NCKAP5: variants seen among roughly 807,000 people sequenced by gnomAD.
NCKAP5 encodes nck-associated protein 5.
Under a neutral mutation model 167.0 loss-of-function variants are expected in NCKAP5, and 92 were observed. That is an observed-to-expected ratio of 0.55 (90% CI 0.47 to 0.66). The LOEUF (loss-of-function observed/expected upper bound fraction) is 0.66. Ranked by LOEUF, NCKAP5 falls within the 30% of genes least tolerant of loss-of-function variation. NCKAP5 has a pLI of 0.00. For synonymous variants in NCKAP5, 891 were observed against 877.4 expected (o/e 1.02, Z -0.27); for missense variants, 2,378 against 2,315.0 (o/e 1.03, Z -0.56).
At chr2:133,059,996 C>G (rs2079942558) in intron 6 of NCKAP5, among the ~76,000 whole-genome samples, 1 of 151,928 alleles carries the variant, frequency 6.6e-6, no homozygotes, top group Admixed American at 6.6e-5. Flanking sequence ...CTGAATTAAC[C>G]TGGTGACTAA....
chr2:132,680,829 T>C (rs1281151296), intron 19 of NCKAP5, among the ~76,000 whole-genome samples: 2 of 152,190 alleles, frequency 1.3e-5, no homozygotes, highest in Admixed American at 6.5e-5. Context: ...AAAATTGTTA[T>C]AAGAAACACA....
chr2:133,203,151 G>C (rs1172422648), intron 5 of NCKAP5, among the ~76,000 whole-genome samples: 4 of 152,024 alleles, frequency 2.6e-5, no homozygotes, highest in African/African-American at 9.7e-5. Context: ...AAATGTCCAT[G>C]AATGATAGAC....
chr2:133,466,029 C>T (rs1459632799), intron 3 of NCKAP5, among the ~76,000 whole-genome samples: 1 of 151,620 alleles, frequency 6.6e-6, no homozygotes, highest in Non-Finnish European at 1.5e-5. Flanking sequence ...TCCCATTTGT[C>T]AATTTTGTCT....
chr2:133,451,154 G>T (rs1012102794), intron 3 of NCKAP5, among the ~76,000 whole-genome samples: 1 of 152,084 alleles, frequency 6.6e-6, no homozygotes, highest in Non-Finnish European at 1.5e-5. Flanking sequence ...AGAGAAGATG[G>T]CCCAGTAACA....
intron 3 of NCKAP5, among the ~76,000 whole-genome samples, chr2:133,444,445 C>T (rs914089627): frequency 6.6e-5 from 10 of 152,060 alleles, no homozygotes; most frequent in African/African-American, 2.4e-4. Flanking sequence ...AAGATGTATA[C>T]ATCTTCTGGT....
intron 4 of NCKAP5, among the ~76,000 whole-genome samples, chr2:133,242,053 G>A (rs1013744720): frequency 6.8e-6 from 1 of 147,418 alleles, no homozygotes; most frequent in African/African-American, 2.6e-5. Context: ...GGGAGGCAGA[G>A]GTTTGCGTTG....
chr2:132,921,022 C>G (rs1386027250), intron 8 of NCKAP5, among the ~76,000 whole-genome samples: 1 of 151,158 alleles, frequency 6.6e-6, no homozygotes, highest in Non-Finnish European at 1.5e-5. Flanking sequence ...GTGTGAAATC[C>G]AAGAATCAAA....
intron 19 of NCKAP5, among the ~76,000 whole-genome samples, chr2:132,698,836 AAAAC>A (rs564965955): frequency 9.4e-4 from 143 of 152,148 alleles, no homozygotes; most frequent in African/African-American, 1.4e-3. Context: ...TCTGTCTCAA[AAAAC>A]AAACAAACAA....
At chr2:133,249,079 A>ACC (rs1219300325) in intron 4 of NCKAP5, among the ~76,000 whole-genome samples, 1 of 151,386 alleles carries the variant, frequency 6.6e-6, no homozygotes, top group East Asian at 1.9e-4. Context: ...TACCTGAATC[A>ACC]CCCCTACTTA....
the NCKAP5 span, among the ~76,000 whole-genome samples, chr2:133,661,133 A>T: frequency 6.5e-4 from 99 of 152,228 alleles, no homozygotes; most frequent in African/African-American, 2.3e-3. Flanking sequence ...CTCTTAGAGC[A>T]AGTGTGAGAA....
intron 8 of NCKAP5, among the ~76,000 whole-genome samples, chr2:132,894,785 G>A (rs1333351539): frequency 6.6e-6 from 1 of 152,166 alleles, no homozygotes; most frequent in Non-Finnish European, 1.5e-5. Flanking sequence ...GTGACAGAGG[G>A]CCGCCCTCCG....
chr2:133,170,124 G>A (rs1450153077), intron 5 of NCKAP5, among the ~76,000 whole-genome samples: 4 of 152,050 alleles, frequency 2.6e-5, no homozygotes, highest in African/African-American at 9.7e-5. Context: ...TCTTTAAAAT[G>A]GCCAGAAGGA....
the NCKAP5 span, among the ~76,000 whole-genome samples, chr2:133,648,261 T>A: frequency 4.6e-5 from 7 of 150,994 alleles, no homozygotes; most frequent in African/African-American, 1.7e-4. Context: ...CTAGATATAT[T>A]AAAAAAAAAC....
chr2:132,728,971 GTGGAATCACATATCA>G lies in NCKAP5; in HGVS notation c.5444-34_5444-20del, dbSNP rs1411365338. 6.2e-7 allele frequency: 1 copy of G among 1,613,458 alleles called. No individual in the cohort carries two copies. The highest frequency in any genetic ancestry group is 8.5e-7 in the Non-Finnish European group (1 of 1,179,634). On this transcript the variant is annotated intron_variant, in intron 17 of 19. Transcript: ENST00000409261. Reference sequence around the variant, plus strand: ...ACTTTTCCTAAATGAGGACACGTATGTGGAATCACATATCACCTTTCATCAACATTTTACAAGTTT... The same window carrying G: ...ACTTTTCCTAAATGAGGACACGTATGCCTTTCATCAACATTTTACAAGTTT...
chr2:133,523,980 G>A (rs1684675176), intron 2 of NCKAP5, among the ~76,000 whole-genome samples: 1 of 152,136 alleles, frequency 6.6e-6, no homozygotes, highest in African/African-American at 2.4e-5. Context: ...GGTATAGGCT[G>A]CAGGGATCAG....
intron 3 of NCKAP5, among the ~76,000 whole-genome samples, chr2:133,427,267 A>T (rs144354287): frequency 2.8e-4 from 42 of 152,350 alleles, no homozygotes; most frequent in Non-Finnish European, 5.3e-4. Context: ...TTGAAAAATG[A>T]TAAGACTATG....
At chr2:132,793,880 C>T (rs1206654891) in intron 12 of NCKAP5, among the ~76,000 whole-genome samples, 2 of 152,094 alleles carry the variant, frequency 1.3e-5, no homozygotes, top group African/African-American at 4.8e-5. Flanking sequence ...ATGCGGAATC[C>T]CTGACATCCT....
the NCKAP5 span, among the ~76,000 whole-genome samples, chr2:133,608,693 G>A: frequency 1.3e-5 from 2 of 152,162 alleles, no homozygotes; most frequent in South Asian, 2.1e-4. Context: ...AGAGGCGAGT[G>A]TAAAATATCA....
At chr2:133,233,946 C>T (rs1034406940) in intron 4 of NCKAP5, among the ~76,000 whole-genome samples, 4 of 152,124 alleles carry the variant, frequency 2.6e-5, no homozygotes, top group South Asian at 4.1e-4. Flanking sequence ...TGTGGAAACA[C>T]GATCAAACCA....
Sources: allele counts gnomAD v4.1 joint callset (sites outside exome capture counted in the v4.1 genomes callset), GRCh38; gene constraint gnomAD v4.1.1; transcripts MANE v1.5; gene names NCBI Gene and HGNC (gene_info 2026-07-23, HGNC 2026-07-21).